The following CCDC110 variants were observed in gnomAD, a reference collection of about 807,000 sequenced individuals.
CCDC110 encodes the protein coiled-coil domain-containing protein 110.
In CCDC110, 70 loss-of-function variants were observed where a neutral mutation model predicts 77.1. That is an observed-to-expected ratio of 0.91 (90% CI 0.75 to 1.11). The LOEUF is 1.11. Among genes scored for constraint, CCDC110 ranks in the 50% least tolerant of loss-of-function variants. CCDC110 has a pLI of 0.00. For synonymous variants in CCDC110, 295 were observed against 312.5 expected (o/e 0.94, Z 0.59); for missense variants, 868 against 942.9 (o/e 0.92, Z 1.04).
rs1026540739 is a variant in CCDC110 at position 185,459,642 on chromosome 4, T to C, written c.945A>G (p.Leu315=). The C allele has an allele frequency of 4.3e-6, 7 of 1,611,548 alleles. No homozygotes were observed. In the African/African-American group the frequency reaches 6.7e-5, roughly 15 times the overall value. Residue 315 remains leucine (L), a synonymous_variant, in exon 6 of 7, where the codon TTA becomes TTG. Coordinates refer to ENST00000307588, the MANE Select transcript of CCDC110 (RefSeq NM_152775.4). ...GGAGTAATTTCTTCACTAATGCCTC[T>C]AATTCTGAAATTCTCTTTGATTTTA... ...EDIKSKRISE[L]EALVKKLLPF...
chr4:185,462,845 G>C, intron 3 of CCDC110, 137 bp from the exon 4 acceptor site: 1 of 1,017,440 alleles, frequency 9.8e-7, no homozygotes, highest in Non-Finnish European at 1.5e-6. Context: ...CACATTCTTA[G>C]GCATTTTGCT....
At chr4:185,457,146 G>A in intron 6 of CCDC110, 1 of 422,512 alleles carries the variant, frequency 2.4e-6, no homozygotes, top group African/African-American at 2.0e-5. Context: ...GATTAAAGGA[G>A]AAAAACCAGG....
At chr4:185,449,970 G>A (rs1291447692) in intron 6 of CCDC110, 3 of 204,402 alleles carry the variant, frequency 1.5e-5, no homozygotes, top group Non-Finnish European at 2.9e-5. Context: ...AGGAGCGGAA[G>A]AGACTGCTGG....
At chr4:185,465,254 A>G (rs12499010) in intron 2 of CCDC110, among the ~76,000 whole-genome samples, 47,678 of 152,130 alleles carry the variant, frequency 0.31, 8,363 homozygotes, top group East Asian at 0.6. Context: ...CTTTTTCTGT[A>G]CAGATTTCCT....
At chr4:185,469,724 C>T (rs2095662491) in intron 2 of CCDC110, among the ~76,000 whole-genome samples, 1 of 152,192 alleles carries the variant, frequency 6.6e-6, no homozygotes, top group African/African-American at 2.4e-5. Flanking sequence ...GGGTGTTGCT[C>T]ATCCTGGTAG....
chr4:185,461,875 A>G (rs2095647033), intron 4 of CCDC110, among the ~76,000 whole-genome samples: 1 of 152,192 alleles, frequency 6.6e-6, no homozygotes, highest in Non-Finnish European at 1.5e-5. Flanking sequence ...AGGTGGGCAG[A>G]TCACCTAAGG....
chr4:185,445,551 A>G lies in CCDC110; in HGVS notation c.2462-9T>C. The G allele has an allele frequency of 6.7e-7, 1 of 1,502,204 alleles. No homozygotes were observed. Among genetic ancestry groups the G allele is most frequent in the Non-Finnish European group, 9.2e-7 (1 of 1,086,886 alleles). The allele number at this position is 1,502,204 out of a possible 1,614,324, so 93.1% of individuals were successfully genotyped here. A position where few individuals can be genotyped will look rare whatever the true frequency, so the allele number is the denominator to read the frequency against. On this transcript the variant is annotated splice_polypyrimidine_tract_variant and intron_variant, in intron 6 of 6. Coordinates refer to ENST00000307588, the MANE Select transcript of CCDC110 (RefSeq NM_152775.4). ...TTTAACTTTGAAATAACCTATGAAA[A>G]TAGAAAATATTCTGGTTAATTAAAA...
Position 185,468,988 on chromosome 4 carries a change from A to G in CCDC110, c.115+1957T>C, listed in dbSNP as rs12646976. Among the ~76,000 whole-genome samples, 21,096 of 152,162 alleles carry G rather than the reference A, an allele frequency of 0.14. 2,638 individuals carry two copies. The highest frequency in any genetic ancestry group is 0.33 in the African/African-American group (13,538 of 41,428). On this transcript the variant is annotated intron_variant, in intron 2 of 6. Coordinates refer to ENST00000307588, the MANE Select transcript of CCDC110 (RefSeq NM_152775.4). The surrounding 1 kb of genome is among the most constrained non-coding windows in gnomAD (Gnocchi z 4.5). ...CTCCACAAACGAATGAATGAATGAA[A>G]GCTCGGGTACAACAGGGTGCTGGGA...
chr4:185,466,115 C>T (rs759329612), intron 2 of CCDC110, among the ~76,000 whole-genome samples: 1 of 152,230 alleles, frequency 6.6e-6, no homozygotes, highest in East Asian at 1.9e-4. Context: ...GTGGCTCGCA[C>T]CTGTAATCCC....
chr4:185,456,529 G>T (rs2095636286), intron 6 of CCDC110, among the ~76,000 whole-genome samples: 1 of 152,028 alleles, frequency 6.6e-6, no homozygotes, highest in South Asian at 2.1e-4. Context: ...AAAGAAAAAA[G>T]AATCCCCAAA....
chr4:185,450,416 G>C (rs997345844), intron 6 of CCDC110, among the ~76,000 whole-genome samples: 1 of 152,148 alleles, frequency 6.6e-6, no homozygotes. Flanking sequence ...TAGTCCCCAA[G>C]TTATCTCTTC....
In CCDC110 at chr4:185,471,063, G is replaced by A; in HGVS notation, c.11-14C>T. On this transcript the variant is annotated splice_polypyrimidine_tract_variant and intron_variant, in intron 1 of 6. Coordinates refer to ENST00000307588, the MANE Select transcript of CCDC110 (RefSeq NM_152775.4). ...GGTGCTGCTTTTCTGTAACAGAACC[G>A]TCCGGGGCTGTTCTGTCGCGGGTCG... The A allele has an allele frequency of 6.6e-7, 1 of 1,518,184 alleles. No homozygotes were observed. The highest frequency in any genetic ancestry group is 1.1e-5 in the South Asian group (1 of 88,232). 94.0% of individuals were successfully genotyped at this position (1,518,184 alleles called of 1,614,324 possible).
Position 185,468,816 on chromosome 4 carries a change from C to A in CCDC110, c.115+2129G>T, listed in dbSNP as rs976500005. ...TATGTTCTCCATAGAATTTATTCCC[C>A]GCTTACACACAATAGCCTTTGTCTG... is the stretch of plus-strand genomic sequence containing the variant. On this transcript the variant is annotated intron_variant, in intron 2 of 6. Transcript: ENST00000307588. The surrounding 1 kb of genome is among the most constrained non-coding windows in gnomAD (Gnocchi z 4.5). Among the ~76,000 whole-genome samples the A allele has an allele frequency of 6.6e-6, 1 of 152,176 alleles. No individual in the cohort carries two copies. Among genetic ancestry groups the A allele is most frequent in the Non-Finnish European group, 1.5e-5 (1 of 68,036 alleles).
intron 6 of CCDC110, among the ~76,000 whole-genome samples, chr4:185,454,903 C>G (rs943941494): frequency 6.6e-6 from 1 of 152,058 alleles, no homozygotes; most frequent in Admixed American, 6.5e-5. Context: ...GCTGGGACTA[C>G]AGGTATGTAC....
chr4:185,449,994 A>T (rs114664620), intron 6 of CCDC110, among the ~76,000 whole-genome samples: 1 of 152,226 alleles, frequency 6.6e-6, no homozygotes, highest in East Asian at 1.9e-4. Flanking sequence ...GGTAGAAAGT[A>T]TACAATAAAT....
chr4:185,457,476 C>A, intron 6 of CCDC110: 1 of 381,364 alleles, frequency 2.6e-6, no homozygotes, highest in Non-Finnish European at 4.9e-6. Flanking sequence ...CATGCTGATT[C>A]CCTGGCTCCT....
At chr4:185,446,037 C>T (rs1448950208) in intron 6 of CCDC110, among the ~76,000 whole-genome samples, 2 of 152,072 alleles carry the variant, frequency 1.3e-5, no homozygotes, top group African/African-American at 2.4e-5. Context: ...GACGGAGTTT[C>T]TCCATGTTGG....
At chr4:185,446,068 C>T (rs1580146998) in intron 6 of CCDC110, among the ~76,000 whole-genome samples, 1 of 151,944 alleles carries the variant, frequency 6.6e-6, no homozygotes, top group East Asian at 1.9e-4. Flanking sequence ...CTCGAACTCC[C>T]GACCTCAGGT....
At chr4:185,453,773 T>C (rs145469643) in intron 6 of CCDC110, among the ~76,000 whole-genome samples, 1 of 151,426 alleles carries the variant, frequency 6.6e-6, no homozygotes, top group East Asian at 1.9e-4. Context: ...CTCCAACTCC[T>C]AGGCTCAAAC....
Sources: gnomAD v4.1 joint callset for allele counts (sites outside exome capture counted in the v4.1 genomes callset) on GRCh38, gnomAD v4.1.1 for gene constraint, Gnocchi (gnomAD v3.1) non-coding constraint, MANE v1.5 for transcripts, NCBI Gene and HGNC (gene_info 2026-07-23, HGNC 2026-07-21) for gene names.